N4BP2L2: variants seen among roughly 807,000 people sequenced by gnomAD.
N4BP2L2 encodes NEDD4-binding protein 2-like 2.
N4BP2L2 carries 50 observed loss-of-function variants against 56.2 expected under a neutral mutation model. The observed-to-expected ratio is 0.89, with a 90% CI of 0.71 to 1.13. The LOEUF is 1.13. Among genes scored for constraint, N4BP2L2 ranks in the 50% most tolerant of loss-of-function variants. The pLI is 0.00. For missense variants in N4BP2L2, 689 were observed against 693.8 expected, an observed-to-expected ratio of 0.99 and a Z score of 0.08; for synonymous variants, 203 against 223.6, an observed-to-expected ratio of 0.91 and a Z score of 0.82.
intron 6 of N4BP2L2, among the ~76,000 whole-genome samples, chr13:32,475,579 C>T (rs2083171592): frequency 6.6e-6 from 1 of 152,156 alleles, no homozygotes; most frequent in Admixed American, 6.5e-5. Flanking sequence ...TGCAAATGGA[C>T]ATTCCAGTTG....
chr13:32,476,829 CTAAA>C (rs1410638528), intron 6 of N4BP2L2, among the ~76,000 whole-genome samples: 1 of 152,056 alleles, frequency 6.6e-6, no homozygotes, highest in Non-Finnish European at 1.5e-5. Flanking sequence ...TAAATAATAA[CTAAA>C]TAAAGTTGAA....
At chr13:32,474,602 G>A (rs527689308) in intron 6 of N4BP2L2, among the ~76,000 whole-genome samples, 2 of 152,244 alleles carry the variant, frequency 1.3e-5, no homozygotes, top group African/African-American at 4.8e-5. Flanking sequence ...GCTGAGGCAG[G>A]AGAATCACTT....
At chr13:32,477,805 C>G in intron 6 of N4BP2L2, 1 of 1,199,130 alleles carries the variant, frequency 8.3e-7, no homozygotes, top group South Asian at 1.3e-5. Flanking sequence ...AGGTATACAG[C>G]TGAGAAATAC....
At chr13:32,482,209 T>C (rs1472526957) in intron 6 of N4BP2L2, among the ~76,000 whole-genome samples, 2 of 152,242 alleles carry the variant, frequency 1.3e-5, no homozygotes, top group Non-Finnish European at 2.9e-5. Context: ...TACTTATCTG[T>C]TAAATAAATT....
intron 6 of N4BP2L2, among the ~76,000 whole-genome samples, chr13:32,475,901 G>A (rs1445853541): frequency 2.0e-5 from 3 of 152,016 alleles, no homozygotes; most frequent in African/African-American, 4.8e-5. Flanking sequence ...TACGGCAAAG[G>A]GAGAAGGGCA....
At chr13:32,503,839 A>G (rs1408983515) in intron 6 of N4BP2L2, among the ~76,000 whole-genome samples, 1 of 152,172 alleles carries the variant, frequency 6.6e-6, no homozygotes, top group Non-Finnish European at 1.5e-5. Flanking sequence ...TGAGCCCAGG[A>G]GTTTGAGACC....
intron 6 of N4BP2L2, among the ~76,000 whole-genome samples, chr13:32,491,613 TG>T (rs2087088646): frequency 1.4e-5 from 2 of 138,684 alleles, no homozygotes; most frequent in South Asian, 4.4e-4. Flanking sequence ...AAACTATATA[TG>T]TATATTATAT....
At chr13:32,442,808 G>A (rs1423345434) in exon 7 of N4BP2L2, 1 of 1,613,592 alleles carries the variant, frequency 6.2e-7, no homozygotes, top group African/African-American at 1.3e-5. Context: ...GACAGGCAAT[G>A]AGAATAACGC....
chr13:32,473,435 G>A (rs954883214), intron 6 of N4BP2L2, among the ~76,000 whole-genome samples: 2 of 151,792 alleles, frequency 1.3e-5, no homozygotes, highest in Admixed American at 6.6e-5. Context: ...AGTTTGGGGA[G>A]AAAAAAAATA....
chr13:32,520,687 AG>A (rs1038512784), intron 5 of N4BP2L2, among the ~76,000 whole-genome samples: 2 of 152,072 alleles, frequency 1.3e-5, no homozygotes, highest in African/African-American at 4.8e-5. Flanking sequence ...GAAAAAAAAA[AG>A]GAATAACAGT....
At chr13:32,451,317 A>C (rs944831767) in intron 6 of N4BP2L2, among the ~76,000 whole-genome samples, 1 of 152,002 alleles carries the variant, frequency 6.6e-6, no homozygotes, top group African/African-American at 2.4e-5. Flanking sequence ...TCTTTTAAGT[A>C]GAAGAAAGAG....
chr13:32,495,010 C>A (rs1268924970), intron 6 of N4BP2L2, among the ~76,000 whole-genome samples: 1 of 152,094 alleles, frequency 6.6e-6, no homozygotes, highest in Non-Finnish European at 1.5e-5. Context: ...ACACTCTATT[C>A]CCTGTACCCA....
chr13:32,476,599 T>A (rs559003585), intron 6 of N4BP2L2, among the ~76,000 whole-genome samples: 4 of 152,106 alleles, frequency 2.6e-5, no homozygotes, highest in African/African-American at 7.2e-5. Flanking sequence ...GCTGGAGAAA[T>A]CTATTTTTAT....
chr13:32,493,425 T>C (rs760662219), intron 6 of N4BP2L2, among the ~76,000 whole-genome samples: 2 of 152,224 alleles, frequency 1.3e-5, no homozygotes, highest in Non-Finnish European at 2.9e-5. Context: ...AGTACATTCA[T>C]GGTTTAAACT....
chr13:32,475,661 T>C (rs1302032436), intron 6 of N4BP2L2, among the ~76,000 whole-genome samples: 1 of 152,180 alleles, frequency 6.6e-6, no homozygotes, highest in Non-Finnish European at 1.5e-5. Context: ...AGCCTCCATC[T>C]TGAACATGAT....
intron 6 of N4BP2L2, among the ~76,000 whole-genome samples, chr13:32,470,174 G>A (rs559895428): frequency 1.3e-5 from 2 of 152,270 alleles, no homozygotes; most frequent in South Asian, 4.1e-4. Flanking sequence ...TGGCAGCTGT[G>A]CTGTCTGTCA....
chr13:32,440,275 C>T (rs1363897594), intron 7 of N4BP2L2, among the ~76,000 whole-genome samples: 1 of 151,926 alleles, frequency 6.6e-6, no homozygotes, highest in Non-Finnish European at 1.5e-5. Flanking sequence ...CGAAATGGGT[C>T]CCCAAGGAAC....
chr13:32,506,431 C>T (rs1377072528), downstream of N4BP2L2: 1 of 152,132 alleles, frequency 6.6e-6, no homozygotes, highest in East Asian at 1.9e-4. Flanking sequence ...CCATAACAAA[C>T]CCAAACTACT....
chr13:32,521,890 C>T (rs926079052), intron 4 of N4BP2L2: 9 of 326,650 alleles, frequency 2.8e-5, no homozygotes, highest in African/African-American at 1.1e-4. Context: ...GCAGGAGAAT[C>T]GCTTCAACTG....
Sources: gnomAD v4.1 joint callset for allele counts (sites outside exome capture counted in the v4.1 genomes callset) on GRCh38, gnomAD v4.1.1 for gene constraint, MANE v1.5 for transcripts, NCBI Gene and HGNC (gene_info 2026-07-23, HGNC 2026-07-21) for gene names.